GATM: variants seen among roughly 807,000 people sequenced by gnomAD.
The protein encoded by GATM is glycine amidinotransferase.
A neutral mutation model predicts 54.2 loss-of-function variants in GATM; 23 were observed. The observed-to-expected ratio is 0.42, with a 90% CI of 0.31 to 0.60. The LOEUF is 0.60. Ranked by LOEUF, GATM falls within the 20% of genes least tolerant of loss-of-function variation. The pLI, the probability that GATM is intolerant of heterozygous loss-of-function variation, is 0.14. For missense variants in GATM, 401 were observed against 544.9 expected (o/e 0.74, Z 2.63); for synonymous variants, 168 against 183.1 (o/e 0.92, Z 0.67).
chr15:45,382,423 A>G (rs1421468686), upstream of GATM, among the ~76,000 whole-genome samples: 1 of 152,196 alleles, frequency 6.6e-6, no homozygotes, highest in African/African-American at 2.4e-5. Context: ...GCACTCTGGG[A>G]GGCTGAGGTG....
chr15:45,376,411 GGAAGCTCTTCA>G (rs1889635552), intron 2 of GATM, among the ~76,000 whole-genome samples, 179 bp downstream of exon 2: 1 of 36,698 alleles, frequency 2.7e-5, no homozygotes, highest in Admixed American at 4.1e-4. Context: ...AAGAGCTTCA[GGAAGCTCTTCA>G]GGAAGGAAGC....
chr15:45,365,909 T>G, intron 6 of GATM, 137 bp downstream of exon 6: 1 of 795,992 alleles, frequency 1.3e-6, no homozygotes, highest in South Asian at 1.5e-5. Context: ...ATCCAATGTT[T>G]GATCATAATA....
chr15:45,362,421 A>G (rs578126334), intron 8 of GATM, among the ~76,000 whole-genome samples, 200 bp from the exon 9 acceptor site: 1 of 152,358 alleles, frequency 6.6e-6, no homozygotes, highest in South Asian at 2.1e-4. Context: ...AAAAGTCAAC[A>G]GAGAACTCTG....
chr15:45,383,957 G>A (rs992877685), intron 3 of GATM, among the ~76,000 whole-genome samples: 6 of 152,178 alleles, frequency 3.9e-5, no homozygotes, highest in African/African-American at 7.2e-5. Flanking sequence ...TCATCTATGA[G>A]GTATTCTTAT....
At chr15:45,364,620 G>A (rs1379495118) in intron 7 of GATM, 177 bp downstream of exon 7, 1 of 603,290 alleles carries the variant, frequency 1.7e-6, no homozygotes, top group African/African-American at 1.9e-5. Context: ...GGATGAAAAA[G>A]TTGCAAACAC....
At chr15:45,398,052 T>A (rs1889954191) in intron 2 of GATM, among the ~76,000 whole-genome samples, 1 of 152,226 alleles carries the variant, frequency 6.6e-6, no homozygotes, top group Non-Finnish European at 1.5e-5. Context: ...TTCCGTTTAT[T>A]TCTTTCAAAG....
intron 1 of GATM, 33 bp downstream of exon 1, chr15:45,378,352 G>C (rs908053451): frequency 7.4e-6 from 11 of 1,495,710 alleles, no homozygotes; most frequent in African/African-American, 1.4e-5. Flanking sequence ...AGTGAGTCAC[G>C]CGGCCGCCAG....
intron 1 of GATM, among the ~76,000 whole-genome samples, chr15:45,400,167 A>G (rs2140687388): frequency 6.6e-6 from 1 of 152,354 alleles, no homozygotes. Context: ...TGTTGCAGTG[A>G]GCTGAGATCC....
At chr15:45,388,791 T>C (rs1244347075) in intron 3 of GATM, among the ~76,000 whole-genome samples, 1 of 152,232 alleles carries the variant, frequency 6.6e-6, no homozygotes, top group Non-Finnish European at 1.5e-5. Flanking sequence ...CTTAAGGTAG[T>C]GTCTGCCGGG....
At chr15:45,364,166 C>T (rs766302267) in intron 7 of GATM, 150 bp from the exon 8 acceptor site, 9 of 679,604 alleles carry the variant, frequency 1.3e-5, no homozygotes, top group Non-Finnish European at 2.1e-5. Context: ...AACAATTTAT[C>T]TATAAATGGT....
intron 1 of GATM, among the ~76,000 whole-genome samples, chr15:45,400,046 AC>A (rs1359884790): frequency 6.6e-6 from 1 of 152,016 alleles, no homozygotes; most frequent in Non-Finnish European, 1.5e-5. Context: ...ACAGGGTAAA[AC>A]CCTATCTCTA....
intron 8 of GATM, among the ~76,000 whole-genome samples, chr15:45,362,422 G>GAGA (rs1479467566): frequency 6.6e-6 from 1 of 152,160 alleles, no homozygotes; most frequent in Non-Finnish European, 1.5e-5. Context: ...AAAGTCAACA[G>GAGA]AGAACTCTGA....
chr15:45,382,263 C>T (rs981592172), upstream of GATM, among the ~76,000 whole-genome samples: 11 of 152,202 alleles, frequency 7.2e-5, no homozygotes, highest in African/African-American at 2.7e-4. Flanking sequence ...AACTTGTGAG[C>T]TCACCAAGCT....
chr15:45,377,121 C>G (rs1190669662), intron 1 of GATM: 1 of 475,462 alleles, frequency 2.1e-6, no homozygotes, highest in Non-Finnish European at 4.0e-6. Context: ...AATGCAATTC[C>G]TGCACTCAAG....
chr15:45,363,049 T>C (rs114494335), intron 8 of GATM, among the ~76,000 whole-genome samples: 3,490 of 152,126 alleles, frequency 0.023, 148 homozygotes, highest in African/African-American at 0.08. Context: ...ATGGGAGGCA[T>C]AGGTGGATGG....
In GATM at chr15:45,361,188, T is replaced by C. The variant is rs1889355835; in HGVS notation, c.*921A>G. 1.3e-5 allele frequency: 2 copies of C among 152,222 alleles called. No homozygotes were observed. Among genetic ancestry groups the C allele is most frequent in the African/African-American group, 4.8e-5 (2 of 41,458 alleles). The allele number at this position is 152,222 out of a possible 1,614,324, so 9.4% of individuals were successfully genotyped here. ...ACATACGGTATCAACACTAAAATTA[T>C]TTCACATCGCATTTAGGTTTTACCT... On this transcript the variant is annotated 3_prime_UTR_variant, in exon 9 of 9. Transcript: ENST00000396659.
chr15:45,394,038 C>A (rs7181167), intron 3 of GATM, among the ~76,000 whole-genome samples: 1 of 152,078 alleles, frequency 6.6e-6, no homozygotes, highest in African/African-American at 2.4e-5. Flanking sequence ...CACATAGCAT[C>A]AACTCTTACA....
At chr15:45,383,520 A>G (rs1279590761), upstream of GATM, among the ~76,000 whole-genome samples, 1 of 152,148 alleles carries the variant, frequency 6.6e-6, no homozygotes, top group Non-Finnish European at 1.5e-5. Context: ...GAATTTAAAA[A>G]CAGTAAACAC....
chr15:45,361,749 A>G lies in GATM; in HGVS notation c.*360T>C. On this transcript the variant is annotated 3_prime_UTR_variant, in exon 9 of 9. Transcript: ENST00000396659. ...AGTCTATAGAAGAGGAAAAAAAATT[A>G]AGATTAGGACCAACATTTCAAGCTG... is the stretch of plus-strand genomic sequence containing the variant. 1 of 480,838 alleles carries G rather than the reference A, an allele frequency of 2.1e-6. No homozygotes were observed. Among genetic ancestry groups the G allele is most frequent in the Non-Finnish European group, 3.6e-6 (1 of 275,646 alleles). The allele number at this position is 480,838 out of a possible 1,614,324, so 29.8% of individuals were successfully genotyped here. A position where few individuals can be genotyped will look rare whatever the true frequency, so the allele number is the denominator to read the frequency against.
Sources: gnomAD v4.1 joint callset for allele counts (sites outside exome capture counted in the v4.1 genomes callset) on GRCh38, gnomAD v4.1.1 for gene constraint, MANE v1.5 for transcripts, NCBI Gene and HGNC (gene_info 2026-07-23, HGNC 2026-07-21) for gene names.